TMEM62: variants seen among roughly 807,000 people sequenced by gnomAD.
TMEM62 encodes the protein transmembrane protein 62.
TMEM62 carries 41 observed loss-of-function variants against 70.4 expected under a neutral mutation model. The observed-to-expected ratio is 0.58, with a 90% CI of 0.45 to 0.76. The LOEUF (loss-of-function observed/expected upper bound fraction) is 0.76. Among genes scored for constraint, TMEM62 ranks in the 30% least tolerant of loss-of-function variants. The pLI is 0.00. For missense variants in TMEM62, 688 were observed against 788.5 expected, an observed-to-expected ratio of 0.87 and a Z score of 1.53; for synonymous variants, 268 against 291.0, an observed-to-expected ratio of 0.92 and a Z score of 0.80.
chr15:43,135,785 C>A, intron 3 of TMEM62, 136 bp downstream of exon 3: 2 of 1,021,466 alleles, frequency 2.0e-6, no homozygotes, highest in Non-Finnish European at 2.7e-6. Context: ...TGAAATACAA[C>A]TATATAATGT....
At position 43,135,604 on chromosome 15, in the gene TMEM62, A is replaced by G. The variant is rs1451899558; in HGVS notation, c.385A>G (p.Arg129Gly). The G allele has an allele frequency of 1.2e-6, 2 of 1,607,652 alleles. No individual in the cohort carries two copies. Among genetic ancestry groups the G allele is most frequent in the South Asian group, 2.2e-5 (2 of 89,434 alleles). The change falls in exon 3 of 14, where the codon AGA (arginine) becomes GGA (glycine). Residue 129 changes from arginine to glycine, a missense_variant. Transcript: ENST00000260403. The part of the protein sequence containing the change: ...QTYQGILKKT[R>G]VMEKTKWLDI... ...CTACCAGGGTATTCTGAAGAAGACA[A>G]GAGTCATGGAAAAAACCAAGTGGCT...
intron 10 of TMEM62, among the ~76,000 whole-genome samples, chr15:43,161,518 C>A (rs1296263020): frequency 6.6e-6 from 1 of 152,162 alleles, no homozygotes; most frequent in Non-Finnish European, 1.5e-5. Flanking sequence ...AAAGTTAAAT[C>A]AGCCACACAT....
chr15:43,177,616 G>A (rs958522897), intron 11 of TMEM62, among the ~76,000 whole-genome samples: 1 of 152,070 alleles, frequency 6.6e-6, no homozygotes, highest in Admixed American at 6.5e-5. Context: ...GTCCAACAAC[G>A]ATAGACTGGA....
intron 9 of TMEM62, among the ~76,000 whole-genome samples, chr15:43,159,428 C>T (rs559184461): frequency 2.0e-5 from 3 of 152,330 alleles, no homozygotes; most frequent in African/African-American, 4.8e-5. Context: ...CATTCTTCTA[C>T]TCTCTGTATC....
chr15:43,182,453 C>CTTTTTT (rs1216767686), intron 13 of TMEM62, among the ~76,000 whole-genome samples: 5 of 142,130 alleles, frequency 3.5e-5, no homozygotes, highest in African/African-American at 1.1e-4. Flanking sequence ...CTTTTCTTTT[C>CTTTTTT]TTTTTTTTTT....
In TMEM62 at chr15:43,172,092, A is replaced by G. The variant is rs1339765074; in HGVS notation, c.1381+2415A>G. On this transcript the variant is annotated intron_variant, in intron 11 of 13. Transcript: ENST00000260403. ...TGTGGAGTTTACTATTTACTAATAG[A>G]CCCAAGTATGTTTTGTCTTTCTATG... 3.9e-5 allele frequency among the ~76,000 whole-genome samples: 6 copies of G among 152,332 alleles called. No individual in the cohort carries two copies. In the East Asian group the frequency reaches 1.2e-3, roughly 29 times the overall value.
At chr15:43,181,846 G>T (rs542341836) in intron 13 of TMEM62, among the ~76,000 whole-genome samples, 1 of 152,298 alleles carries the variant, frequency 6.6e-6, no homozygotes, top group African/African-American at 2.4e-5. Flanking sequence ...GGTGAAAGAA[G>T]TTTTTGTTGT....
At chr15:43,165,244 T>A (rs1437438327) in intron 10 of TMEM62, among the ~76,000 whole-genome samples, 1 of 99,070 alleles carries the variant, frequency 1.0e-5, no homozygotes, top group Non-Finnish European at 2.7e-5. Context: ...GTGTGCTTCA[T>A]TCTTTTTTTT....
intron 11 of TMEM62, among the ~76,000 whole-genome samples, chr15:43,176,015 C>A (rs538257518): frequency 6.6e-6 from 1 of 152,240 alleles, no homozygotes; most frequent in Admixed American, 6.5e-5. Context: ...TAAAAAACAG[C>A]GCACCAGCAG....
chr15:43,169,604 T>C lies in TMEM62; in HGVS notation c.1308T>C (p.Leu436=). The C allele has an allele frequency of 6.2e-7, 1 of 1,614,092 alleles. No homozygotes were observed. Among genetic ancestry groups the C allele is most frequent in the Non-Finnish European group, 8.5e-7 (1 of 1,179,968 alleles). ...CTATTTCCCTGCAGGCCCGGGTCCT[T>C]TTTGTGCTGATTGTGCTGAGCCAGC... ...RTDHYIMARV[L]FVLIVLSQLT... Residue 436 remains leucine (L), a synonymous_variant, in exon 11 of 14, where the codon CTT becomes CTC. Coordinates refer to ENST00000260403, the MANE Select transcript of TMEM62 (RefSeq NM_024956.4).
At chr15:43,161,468 A>G (rs1169519196) in intron 10 of TMEM62, among the ~76,000 whole-genome samples, 2 of 116,044 alleles carry the variant, frequency 1.7e-5, no homozygotes, top group African/African-American at 5.2e-5. Context: ...CCACATCAAT[A>G]ATATATGCTC....
intron 9 of TMEM62, among the ~76,000 whole-genome samples, chr15:43,156,825 T>A (rs1410086186): frequency 6.6e-6 from 1 of 152,186 alleles, no homozygotes; most frequent in Non-Finnish European, 1.5e-5. Flanking sequence ...TATGTATACA[T>A]CCTTGAAGTC....
chr15:43,133,836 G>T lies in TMEM62; in HGVS notation c.34G>T (p.Gly12Trp). 6.9e-7 allele frequency: 1 copy of T among 1,457,960 alleles called. No individual in the cohort carries two copies. Among genetic ancestry groups the T allele is most frequent in the South Asian group, 1.3e-5 (1 of 74,626 alleles). The allele number at this position is 1,457,960 out of a possible 1,614,324, so 90.3% of individuals were successfully genotyped here. The part of the protein sequence containing the change: ...AAVLALRVVA[G>W]LAAAALVAML... The stretch of plus-strand genomic sequence containing the variant: ...AGTGCTGGCTCTCAGGGTGGTCGCG[G>T]GGTTGGCGGCCGCAGCGCTGGTGGC... Residue 12 changes from glycine to tryptophan, a missense_variant, in exon 1 of 14, where the codon GGG becomes TGG. Gly to Trp is a radical substitution (Grantham distance 184). Coordinates refer to ENST00000260403, the MANE Select transcript of TMEM62 (RefSeq NM_024956.4).
chr15:43,160,706 T>C lies in TMEM62; in HGVS notation c.1208T>C (p.Val403Ala), dbSNP rs138154718. ...VQDSAGRSKS[V>A]HHIFSVQENN... Reference sequence around the variant, plus strand: ...GATTCTGCTGGAAGAAGTAAGAGTGTTCACCACATATTTTCTGTTCAAGAG... The same window carrying C: ...GATTCTGCTGGAAGAAGTAAGAGTGCTCACCACATATTTTCTGTTCAAGAG... The change falls in exon 10 of 14, where the codon GTT becomes GCT. Residue 403 changes from valine to alanine, a missense_variant. Val to Ala is a moderately conservative substitution (Grantham distance 64). Transcript: ENST00000260403. The C allele has an allele frequency of 1.8e-4, 290 of 1,611,422 alleles. No individual in the cohort carries two copies. Among genetic ancestry groups the C allele is most frequent in the Non-Finnish European group, 1.9e-4 (221 of 1,178,260 alleles).
intron 10 of TMEM62, among the ~76,000 whole-genome samples, chr15:43,167,370 G>T (rs1478195498): frequency 6.6e-6 from 1 of 151,862 alleles, no homozygotes; most frequent in African/African-American, 2.4e-5. Context: ...TCTCAGACGG[G>T]GCGGCTGCTG....
chr15:43,184,176 G>C, intron 13 of TMEM62, 84 bp from the exon 14 acceptor site: 6 of 1,220,186 alleles, frequency 4.9e-6, no homozygotes, highest in Non-Finnish European at 7.0e-6. Context: ...TAGCAGCATA[G>C]TCTTAGGATC....
chr15:43,147,908 C>CT (rs1340781239), intron 5 of TMEM62, among the ~76,000 whole-genome samples: 3 of 152,088 alleles, frequency 2.0e-5, no homozygotes, highest in Non-Finnish European at 2.9e-5. Flanking sequence ...TTGCTGTAAG[C>CT]ACCTTACATA....
rs187966495 is a variant in TMEM62, at chr15:43,152,020, T to C, written c.1022+75T>C. On this transcript the variant is annotated intron_variant, in intron 8 of 13. Transcript: ENST00000260403. ...ATAAGTCATTGTGATTGCATTCCCA[T>C]GTGAAAGCTATGAGATGCCCCATTT... 963 of 1,196,714 alleles carry C rather than the reference T, an allele frequency of 8.0e-4. 5 individuals are homozygous for C. The African/African-American group carries it at 0.013, about 17-fold the overall frequency. 74.1% of individuals were successfully genotyped at this position (1,196,714 alleles called of 1,614,324 possible).
At chr15:43,152,384 ATTTGT>A (rs543802698) in intron 8 of TMEM62, among the ~76,000 whole-genome samples, 1 of 151,942 alleles carries the variant, frequency 6.6e-6, no homozygotes, top group Non-Finnish European at 1.5e-5. Flanking sequence ...TGGCAAATGA[ATTTGT>A]TTTGTTTTGT....
Sources: allele counts gnomAD v4.1 joint callset (sites outside exome capture counted in the v4.1 genomes callset), GRCh38; gene constraint gnomAD v4.1.1; transcripts MANE v1.5; gene names NCBI Gene and HGNC (gene_info 2026-07-23, HGNC 2026-07-21).